Variants in MRPL48 observed in about 807,000 individuals in gnomAD.
The protein encoded by MRPL48 is mitochondrial ribosomal protein L48, also known as large ribosomal subunit protein mL48.
A neutral mutation model predicts 32.9 loss-of-function variants in MRPL48; 16 were observed. That is an observed-to-expected ratio of 0.49 (90% confidence interval 0.33 to 0.74). The LOEUF (loss-of-function observed/expected upper bound fraction) is 0.74, where lower values mean the gene tolerates loss of function less well. MRPL48 is among the 30% of genes least tolerant of loss of function. MRPL48 has a pLI of 0.02. For synonymous variants in MRPL48, 94 were observed against 89.2 expected (o/e 1.05, Z -0.31); for missense variants, 206 against 245.3 (o/e 0.84, Z 1.07).
At chr11:73,808,424 A>C in intron 3 of MRPL48, 74 bp downstream of exon 3, 3 of 1,441,394 alleles carry the variant, frequency 2.1e-6, no homozygotes, top group Non-Finnish European at 2.9e-6. Flanking sequence ...TTTTGCCTAG[A>C]AGGAAGCCTA....
chr11:73,834,659 G>A (rs1201218286), intron 4 of MRPL48, among the ~76,000 whole-genome samples: 3 of 151,152 alleles, frequency 2.0e-5, no homozygotes, highest in South Asian at 2.1e-4. Flanking sequence ...TCAGCCTCCC[G>A]AGTAGCTGGG....
chr11:73,788,101 G>T (rs1947076149), intron 1 of MRPL48, 109 bp downstream of exon 1: 1 of 1,450,464 alleles, frequency 6.9e-7, no homozygotes, highest in Non-Finnish European at 9.3e-7. Flanking sequence ...GACATCCGGG[G>T]ATGAGACACT....
At chr11:73,808,048 A>G (rs1188885574) in intron 2 of MRPL48, among the ~76,000 whole-genome samples, 6 of 152,142 alleles carry the variant, frequency 3.9e-5, no homozygotes, top group East Asian at 1.9e-4. Context: ...TTCTGGATCA[A>G]TACTATATTG....
chr11:73,833,826 G>A (rs186476279), intron 4 of MRPL48, among the ~76,000 whole-genome samples: 5 of 152,104 alleles, frequency 3.3e-5, no homozygotes, highest in East Asian at 1.9e-4. Context: ...AGGTGTGTAC[G>A]ACTACGCCTT....
chr11:73,826,512 T>C (rs1464779540), intron 4 of MRPL48, among the ~76,000 whole-genome samples: 1 of 152,160 alleles, frequency 6.6e-6, no homozygotes, highest in Non-Finnish European at 1.5e-5. Context: ...GGAGTCTCGC[T>C]CTGTTGCCCA....
chr11:73,820,471 G>A (rs958891382), intron 3 of MRPL48, among the ~76,000 whole-genome samples: 3 of 152,008 alleles, frequency 2.0e-5, no homozygotes, highest in East Asian at 1.9e-4. Flanking sequence ...GTGACCATCC[G>A]CCCCAGCCTC....
intron 4 of MRPL48, among the ~76,000 whole-genome samples, chr11:73,831,897 G>A (rs1948001999): frequency 8.1e-6 from 1 of 124,022 alleles, no homozygotes; most frequent in Non-Finnish European, 1.6e-5. Flanking sequence ...CCGAGATCAT[G>A]CCATTGCACT....
At chr11:73,851,025 T>C in intron 5 of MRPL48, 1 of 479,062 alleles carries the variant, frequency 2.1e-6, no homozygotes, top group South Asian at 1.6e-5. Context: ...AGAGCTGCCA[T>C]CAAAGACCCA....
At chr11:73,839,439 A>AT (rs1948154048) in intron 4 of MRPL48, among the ~76,000 whole-genome samples, 1 of 152,194 alleles carries the variant, frequency 6.6e-6, no homozygotes, top group African/African-American at 2.4e-5. Context: ...ACATGGTGGT[A>AT]TTATCTCATG....
intron 5 of MRPL48, among the ~76,000 whole-genome samples, chr11:73,848,062 C>T (rs1022490372): frequency 1.3e-5 from 2 of 151,970 alleles, no homozygotes; most frequent in African/African-American, 4.8e-5. Flanking sequence ...CTTTGCCTGA[C>T]CCAGTTGCAA....
chr11:73,818,491 A>C (rs1947715118), intron 3 of MRPL48, among the ~76,000 whole-genome samples: 1 of 152,260 alleles, frequency 6.6e-6, no homozygotes, highest in Non-Finnish European at 1.5e-5. Context: ...AAATGTGGGC[A>C]GCTGGCAGGG....
intron 4 of MRPL48, among the ~76,000 whole-genome samples, chr11:73,840,799 C>A (rs1419073729): frequency 1.3e-5 from 2 of 151,922 alleles, no homozygotes; most frequent in Non-Finnish European, 2.9e-5. Context: ...CACACCCGGC[C>A]AACCCTGTCT....
chr11:73,838,730 C>T lies in MRPL48; in HGVS notation c.202-6077C>T, dbSNP rs1948143278. The stretch of plus-strand genomic sequence containing the variant: ...TGGTTGGTTTCTAGAGGTTGGCTTC[C>T]CACTCACCGCAAGGTCTAGCACCCT... On this transcript the variant is annotated intron_variant, in intron 4 of 7. Transcript: ENST00000310614. Among the ~76,000 whole-genome samples, 4 of 152,270 alleles carry T rather than the reference C, an allele frequency of 2.6e-5. No homozygotes were observed. In the South Asian group the frequency reaches 8.3e-4, roughly 32 times the overall value.
chr11:73,825,712 A>G lies in MRPL48; in HGVS notation c.117A>G (p.Gly39=). Residue 39 remains glycine, a synonymous_variant, in exon 4 of 8, where the codon GGA becomes GGG. Transcript: ENST00000310614. ...GTCTTATTTTCTCTCTTTTAGGTGG[A>G]ATTCTACTAAGTATCAGTCGGCCCT... ...SGEKPIYSVG[G]ILLSISRPYK... 6.4e-7 allele frequency: 1 copy of G among 1,559,070 alleles called. No homozygotes were observed. Among genetic ancestry groups the G allele is most frequent in the Non-Finnish European group, 8.7e-7 (1 of 1,151,216 alleles).
intron 4 of MRPL48, among the ~76,000 whole-genome samples, chr11:73,828,011 GT>G (rs1180391683): frequency 6.6e-6 from 1 of 152,044 alleles, no homozygotes; most frequent in Non-Finnish European, 1.5e-5. Flanking sequence ...TATGTAAAAT[GT>G]TTGTTGTAGG....
At chr11:73,855,045 A>G (rs35683504) in intron 5 of MRPL48, among the ~76,000 whole-genome samples, 8,581 of 152,222 alleles carry the variant, frequency 0.056, 266 homozygotes, top group Middle Eastern at 0.11. Flanking sequence ...GCTATTATAT[A>G]TAATGTACAT....
chr11:73,807,806 T>C lies in MRPL48; in HGVS notation c.75-507T>C, dbSNP rs138159647. Among the ~76,000 whole-genome samples the C allele has an allele frequency of 6.6e-3, 1,004 of 151,964 alleles. 14 individuals are homozygous for C. The highest frequency in any genetic ancestry group is 0.023 in the African/African-American group (958 of 41,424). On this transcript the variant is annotated intron_variant, in intron 2 of 7. Coordinates refer to ENST00000310614, the MANE Select transcript of MRPL48 (RefSeq NM_016055.6). ...GTGCCCACCACCAAACCCGGGTAAT[T>C]TTTTGTATTTTTAGTAGAGACGGGG...
chr11:73,825,225 C>A (rs1947862402), intron 3 of MRPL48, among the ~76,000 whole-genome samples: 1 of 149,286 alleles, frequency 6.7e-6, no homozygotes, highest in African/African-American at 2.5e-5. Flanking sequence ...TTGTTTCATG[C>A]TTAGAAAGAT....
At chr11:73,851,371 CTTATT>C (rs1161252376) in intron 5 of MRPL48, among the ~76,000 whole-genome samples, 5 of 152,298 alleles carry the variant, frequency 3.3e-5, no homozygotes, top group Admixed American at 1.3e-4. Flanking sequence ...TACATAGGGT[CTTATT>C]TTAAGTCCTT....
Sources: allele counts gnomAD v4.1 joint callset (sites outside exome capture counted in the v4.1 genomes callset), GRCh38; gene constraint gnomAD v4.1.1; transcripts MANE v1.5; gene names NCBI Gene and HGNC (gene_info 2026-07-23, HGNC 2026-07-21).